The following ZBTB20 variants were observed in gnomAD, a reference collection of about 807,000 sequenced individuals.
ZBTB20 encodes zinc finger and BTB domain-containing protein 20.
ZBTB20 carries 9 observed loss-of-function variants against 56.9 expected under a neutral mutation model. The ratio of observed to expected loss-of-function variants is 0.16; its 90% CI spans 0.10 to 0.28. The LOEUF (loss-of-function observed/expected upper bound fraction) is 0.28. Among genes scored for constraint, ZBTB20 ranks in the 10% least tolerant of loss-of-function variants. The pLI is 1.00. For missense variants in ZBTB20, 655 were observed against 1,003.0 expected (o/e 0.65, Z 4.69); for synonymous variants, 417 against 420.7 (o/e 0.99, Z 0.11).
At chr3:114,911,554 T>G (rs1407767455) in intron 3 of ZBTB20, among the ~76,000 whole-genome samples, 5 of 151,492 alleles carry the variant, frequency 3.3e-5, no homozygotes, top group African/African-American at 1.2e-4. Context: ...ATTAGTTTAG[T>G]TTAAATATTA....
intron 2 of ZBTB20, among the ~76,000 whole-genome samples, chr3:115,040,360 G>C (rs896625813): frequency 4.6e-5 from 7 of 152,110 alleles, no homozygotes; most frequent in Non-Finnish European, 8.8e-5. Context: ...TATTCTAGAA[G>C]CCTGTGCTCT....
chr3:114,673,023 C>T (rs1257824096), intron 6 of ZBTB20, among the ~76,000 whole-genome samples: 1 of 152,096 alleles, frequency 6.6e-6, no homozygotes, highest in African/African-American at 2.4e-5. Context: ...AGTTTGAGAA[C>T]CACATCCCAC....
At chr3:114,982,976 C>T (rs1333494925) in intron 2 of ZBTB20, among the ~76,000 whole-genome samples, 1 of 151,912 alleles carries the variant, frequency 6.6e-6, no homozygotes. Flanking sequence ...ATCCTACACA[C>T]CATAATAAAA....
At chr3:115,121,546 T>C (rs561282477) in intron 1 of ZBTB20, among the ~76,000 whole-genome samples, 2 of 152,104 alleles carry the variant, frequency 1.3e-5, no homozygotes, top group East Asian at 1.9e-4. Flanking sequence ...TGAAGTCTAC[T>C]AGTGAGATGG....
At chr3:114,995,534 C>A (rs2078990926) in intron 2 of ZBTB20, among the ~76,000 whole-genome samples, 1 of 151,620 alleles carries the variant, frequency 6.6e-6, no homozygotes, top group East Asian at 1.9e-4. Flanking sequence ...ATATAAAGAC[C>A]CCTATTTCAT....
At chr3:114,776,414 C>G (rs1444358523) in intron 5 of ZBTB20, among the ~76,000 whole-genome samples, 1 of 152,058 alleles carries the variant, frequency 6.6e-6, no homozygotes, top group Non-Finnish European at 1.5e-5. Context: ...TTAATGTGAC[C>G]AGAGAAGCTG....
rs908810309 is a variant in ZBTB20 at position 114,537,609 on chromosome 3, C to T, written c.-294-37218G>A. On this transcript the variant is annotated intron_variant, in intron 6 of 11. Transcript: ENST00000675478. ...ATCAAGGATCTAGAACCAAAAATACCATTTGACCCAGCGATCCCATTACTG... is the reference window on the plus strand; with the variant it reads ...ATCAAGGATCTAGAACCAAAAATACTATTTGACCCAGCGATCCCATTACTG... Among the ~76,000 whole-genome samples, 3 of 152,094 alleles carry T rather than the reference C, an allele frequency of 2.0e-5. No homozygotes were observed. The East Asian group carries it at 5.8e-4, about 29-fold the overall frequency.
chr3:114,949,188 T>C (rs758717059), intron 3 of ZBTB20, among the ~76,000 whole-genome samples: 2 of 146,212 alleles, frequency 1.4e-5, no homozygotes, highest in Non-Finnish European at 1.5e-5. Context: ...TTTTGACAAA[T>C]GGCACTTGAT....
intron 7 of ZBTB20, among the ~76,000 whole-genome samples, chr3:114,398,500 G>C (rs2086535863): frequency 6.6e-6 from 1 of 152,116 alleles, no homozygotes; most frequent in African/African-American, 2.4e-5. Context: ...CCATTGCCCT[G>C]AAAATGATAC....
chr3:114,802,532 T>C (rs2071792760), intron 4 of ZBTB20, among the ~76,000 whole-genome samples: 1 of 151,900 alleles, frequency 6.6e-6, no homozygotes. Flanking sequence ...TCCTCTCACA[T>C]GCCTGAATTA....
At chr3:115,097,043 A>G (rs1451053706) in intron 1 of ZBTB20, among the ~76,000 whole-genome samples, 1 of 152,222 alleles carries the variant, frequency 6.6e-6, no homozygotes, top group Non-Finnish European at 1.5e-5. Flanking sequence ...AGTAAAATCC[A>G]ATAAATCACT....
intron 7 of ZBTB20, among the ~76,000 whole-genome samples, chr3:114,497,965 T>C (rs908951330): frequency 6.6e-6 from 1 of 152,200 alleles, no homozygotes; most frequent in East Asian, 1.9e-4. Flanking sequence ...CAGGGGCTGG[T>C]GACTGGCTGG....
chr3:114,786,989 TA>T (rs947123160), intron 5 of ZBTB20, among the ~76,000 whole-genome samples: 30 of 152,198 alleles, frequency 2.0e-4, no homozygotes, highest in African/African-American at 6.7e-4. Flanking sequence ...TATTTTATTT[TA>T]TTTTTTTAAA....
intron 6 of ZBTB20, among the ~76,000 whole-genome samples, chr3:114,599,797 C>T (rs912898003): frequency 4.6e-5 from 7 of 151,992 alleles, no homozygotes; most frequent in East Asian, 1.9e-4. Context: ...AAGAAGTAGA[C>T]GAAGAAATCT....
intron 5 of ZBTB20, among the ~76,000 whole-genome samples, chr3:114,753,831 C>T (rs972035549): frequency 2.0e-5 from 3 of 152,058 alleles, no homozygotes; most frequent in African/African-American, 7.2e-5. Flanking sequence ...ACTACAGTAT[C>T]CCTAGTCCAT....
intron 5 of ZBTB20, among the ~76,000 whole-genome samples, chr3:114,776,875 G>A (rs548297340): frequency 6.6e-6 from 1 of 152,148 alleles, no homozygotes; most frequent in African/African-American, 2.4e-5. Flanking sequence ...TTCAACAGAA[G>A]ATTAAACAGA....
At chr3:114,836,259 ATT>A (rs1474044622) in intron 4 of ZBTB20, among the ~76,000 whole-genome samples, 16 of 152,204 alleles carry the variant, frequency 1.1e-4, no homozygotes, top group African/African-American at 3.9e-4. Context: ...TATAAGAGAT[ATT>A]TTGTCTGATT....
intron 2 of ZBTB20, among the ~76,000 whole-genome samples, chr3:115,034,357 A>C (rs2080827680): frequency 6.6e-6 from 1 of 151,568 alleles, no homozygotes; most frequent in African/African-American, 2.4e-5. Flanking sequence ...CCAAAAAAAA[A>C]CCCTGTTAGA....
At chr3:114,709,456 G>A (rs915354242) in intron 5 of ZBTB20, among the ~76,000 whole-genome samples, 9 of 152,148 alleles carry the variant, frequency 5.9e-5, no homozygotes, top group Non-Finnish European at 1.2e-4. Context: ...GAGAAAATCC[G>A]AGCCATGACA....
Sources: allele counts gnomAD v4.1 joint callset (sites outside exome capture counted in the v4.1 genomes callset), GRCh38; gene constraint gnomAD v4.1.1; transcripts MANE v1.5; gene names NCBI Gene and HGNC (gene_info 2026-07-23, HGNC 2026-07-21).